NEDD4L: variants seen among roughly 807,000 people sequenced by gnomAD.
NEDD4L encodes the protein NEDD4 like E3 ubiquitin protein ligase.
Under a neutral mutation model 148.9 loss-of-function variants are expected in NEDD4L, and 54 were observed. The ratio of observed to expected loss-of-function variants is 0.36; its 90% CI spans 0.29 to 0.45. The LOEUF (loss-of-function observed/expected upper bound fraction) is 0.45. Ranked by LOEUF, NEDD4L falls within the 20% of genes least tolerant of loss-of-function variation. NEDD4L has a pLI of 1.00. For missense variants in NEDD4L, 856 were observed against 1,233.8 expected (o/e 0.69, Z 4.59); for synonymous variants, 433 against 440.7 (o/e 0.98, Z 0.22).
chr18:58,105,240 C>T (rs1053468342), intron 1 of NEDD4L, among the ~76,000 whole-genome samples: 4 of 152,170 alleles, frequency 2.6e-5, no homozygotes, highest in African/African-American at 9.7e-5. Context: ...ATGCCTGAAG[C>T]CCAGAAACGC....
At chr18:58,105,463 G>A (rs1285100865) in intron 1 of NEDD4L, among the ~76,000 whole-genome samples, 1 of 152,010 alleles carries the variant, frequency 6.6e-6, no homozygotes, top group Non-Finnish European at 1.5e-5. Flanking sequence ...GCCTAGCAAC[G>A]GCTTAATAAA....
chr18:58,177,523 C>A (rs553778935), intron 2 of NEDD4L, among the ~76,000 whole-genome samples: 2 of 152,248 alleles, frequency 1.3e-5, no homozygotes, highest in South Asian at 4.1e-4. Flanking sequence ...TTTCTCTGAA[C>A]CTTTTTAATG....
At chr18:58,151,286 G>A (rs1011443513) in intron 1 of NEDD4L, among the ~76,000 whole-genome samples, 2 of 152,134 alleles carry the variant, frequency 1.3e-5, no homozygotes, top group Admixed American at 6.5e-5. Flanking sequence ...CTCTCCAAGG[G>A]GCTGGTCGGC....
intron 1 of NEDD4L, among the ~76,000 whole-genome samples, chr18:58,101,943 A>G (rs530136517): frequency 1.3e-5 from 2 of 152,274 alleles, no homozygotes; most frequent in African/African-American, 4.8e-5. Context: ...ATGGTTCACA[A>G]CCCATTTATT....
intron 5 of NEDD4L, among the ~76,000 whole-genome samples, chr18:58,259,237 T>G (rs1279860070): frequency 1.3e-5 from 2 of 152,148 alleles, no homozygotes; most frequent in Non-Finnish European, 2.9e-5. Flanking sequence ...AACTAAATTA[T>G]TAGAAAAAAT....
At chr18:58,053,906 A>G (rs1403820335) in intron 1 of NEDD4L, among the ~76,000 whole-genome samples, 11 of 152,094 alleles carry the variant, frequency 7.2e-5, no homozygotes, top group Non-Finnish European at 1.5e-4. Context: ...TACCTGACCT[A>G]TGTGATGTTA....
At chr18:58,249,070 C>T in intron 4 of NEDD4L, 133 bp downstream of exon 4, 1 of 478,154 alleles carries the variant, frequency 2.1e-6, no homozygotes, top group East Asian at 3.3e-5. Flanking sequence ...AGGTAGCCTC[C>T]TAATGTGTCC....
chr18:58,062,014 A>C (rs1382167476), intron 1 of NEDD4L, among the ~76,000 whole-genome samples: 1 of 152,206 alleles, frequency 6.6e-6, no homozygotes. Flanking sequence ...TTAGAGCTCT[A>C]GGGACAGAGT....
intron 1 of NEDD4L, among the ~76,000 whole-genome samples, chr18:58,074,248 A>G (rs2083043526): frequency 6.6e-6 from 1 of 151,390 alleles, no homozygotes; most frequent in Non-Finnish European, 1.5e-5. Flanking sequence ...TTATCCTCCC[A>G]AAATCATGCT....
At chr18:58,395,490 C>T (rs774431284) in intron 30 of NEDD4L, among the ~76,000 whole-genome samples, 5 of 152,118 alleles carry the variant, frequency 3.3e-5, no homozygotes, top group African/African-American at 4.8e-5. Context: ...TTGCAGCCCC[C>T]GCCCCCACCT....
intron 1 of NEDD4L, among the ~76,000 whole-genome samples, chr18:58,125,016 C>G (rs1302744331): frequency 6.6e-6 from 1 of 152,212 alleles, no homozygotes; most frequent in African/African-American, 2.4e-5. Flanking sequence ...AGTCCTCCCA[C>G]CTCACCCTTT....
At chr18:58,217,527 T>C (rs2043278250) in intron 2 of NEDD4L, among the ~76,000 whole-genome samples, 2 of 152,328 alleles carry the variant, frequency 1.3e-5, no homozygotes, top group Admixed American at 6.5e-5. Context: ...ACGAGTGTGG[T>C]GCCATGGTGT....
intron 1 of NEDD4L, among the ~76,000 whole-genome samples, chr18:58,158,671 G>C (rs79413950): frequency 0.028 from 4,267 of 152,268 alleles, 197 homozygotes; most frequent in African/African-American, 0.096. Flanking sequence ...ATTGAAACTT[G>C]ACCACGTGTT....
intron 13 of NEDD4L, among the ~76,000 whole-genome samples, chr18:58,337,785 A>G (rs2041958213): frequency 6.6e-6 from 1 of 152,148 alleles, no homozygotes; most frequent in Non-Finnish European, 1.5e-5. Context: ...CCGTCCTGAT[A>G]TAGCTTTCTT....
At chr18:58,370,741 T>C (rs1240578145) in intron 23 of NEDD4L, among the ~76,000 whole-genome samples, 4 of 152,208 alleles carry the variant, frequency 2.6e-5, no homozygotes, top group Non-Finnish European at 4.4e-5. Flanking sequence ...ACTTACTAAA[T>C]CCAAGAGACA....
intron 1 of NEDD4L, chr18:58,045,346 G>A (rs2081526570): frequency 2.5e-6 from 1 of 392,224 alleles, no homozygotes; most frequent in Non-Finnish European, 4.5e-6. Context: ...CTGGAAACTT[G>A]GGGAGGAAGC....
chr18:58,244,594 C>G (rs1296488587), intron 2 of NEDD4L, among the ~76,000 whole-genome samples: 1 of 152,204 alleles, frequency 6.6e-6, no homozygotes, highest in Non-Finnish European at 1.5e-5. Context: ...ATCTAGACTA[C>G]TCAAATTTAT....
chr18:58,297,533 G>A (rs2055823120), intron 5 of NEDD4L, among the ~76,000 whole-genome samples: 1 of 152,188 alleles, frequency 6.6e-6, no homozygotes, highest in Non-Finnish European at 1.5e-5. Flanking sequence ...TTGATCCTGA[G>A]AGCCAGATAG....
At chr18:58,228,174 T>A (rs2044601451) in intron 2 of NEDD4L, among the ~76,000 whole-genome samples, 3 of 152,214 alleles carry the variant, frequency 2.0e-5, no homozygotes, top group Admixed American at 2.0e-4. Context: ...GTGACTGGAA[T>A]GTGATGCACA....
Sources: allele counts gnomAD v4.1 joint callset (sites outside exome capture counted in the v4.1 genomes callset), GRCh38; gene constraint gnomAD v4.1.1; transcripts MANE v1.5; gene names NCBI Gene and HGNC (gene_info 2026-07-23, HGNC 2026-07-21).